KIF11: variants seen among roughly 807,000 people sequenced by gnomAD.
KIF11 encodes kinesin family member 11, also known as kinesin-like protein KIF11.
In KIF11, 9 loss-of-function variants were observed where a neutral mutation model predicts 121.0. The observed-to-expected ratio is 0.07, with a 90% CI of 0.04 to 0.13. The LOEUF (loss-of-function observed/expected upper bound fraction) is 0.13. Among genes scored for constraint, KIF11 ranks in the 10% least tolerant of loss-of-function variants. The pLI, the probability that KIF11 is intolerant of heterozygous loss-of-function variation, is 1.00. For missense variants in KIF11, 846 were observed against 1,217.5 expected, an observed-to-expected ratio of 0.69 and a Z score of 4.54; for synonymous variants, 408 against 421.0, an observed-to-expected ratio of 0.97 and a Z score of 0.38.
In KIF11 at chr10:92,621,618, T is replaced by G; in HGVS notation, c.1217+145T>G. The G allele has an allele frequency of 1.2e-5, 6 of 500,208 alleles. No homozygotes were observed. The Admixed American group carries it at 1.5e-4, about 12-fold the overall frequency. The allele number at this position is 500,208 out of a possible 1,614,324, so 31.0% of individuals were successfully genotyped here. ...ATTTTGTGTGTGTGTGTGTTTTCTT[T>G]TGAGACAAGGTCTCGCACTGTCACC... On this transcript the variant is annotated intron_variant, in intron 10 of 21. Transcript: ENST00000260731.
intron 21 of KIF11, among the ~76,000 whole-genome samples, chr10:92,652,928 G>T (rs938033559): frequency 2.6e-5 from 4 of 152,148 alleles, no homozygotes; most frequent in Non-Finnish European, 5.9e-5. Flanking sequence ...TTTACAATTT[G>T]TCTCAGCATT....
chr10:92,637,251 T>C lies in KIF11; in HGVS notation c.1943T>C (p.Leu648Pro), dbSNP rs780201167. ...MILSPTVVSI[L>P]KINSQLKHIF... ...TTATCCCCAACTGTGGTGTCTATACTGAAAATCAATAGTCAACTAAAGCAT... is the reference window on the plus strand; with the variant it reads ...TTATCCCCAACTGTGGTGTCTATACCGAAAATCAATAGTCAACTAAAGCAT... Residue 648 changes from leucine to proline, a missense_variant, in exon 15 of 22, where the codon CTG (leucine) becomes CCG (proline). By Grantham distance (98) the Leu-to-Pro change is moderately conservative. Around this residue, in one of 5 missense-constraint regions of KIF11, gnomAD observed 492 missense variants for 603.4 expected, o/e 0.82. Transcript: ENST00000260731. The C allele has an allele frequency of 3.0e-5, 47 of 1,589,826 alleles. No homozygotes were observed. The highest frequency in any genetic ancestry group is 4.0e-5 in the Non-Finnish European group (47 of 1,174,444).
rs558450310 is a variant in KIF11, at chr10:92,637,702, A to T, written c.2160+157A>T. ...TTGCTTATAACAGTAATTATTGTAG[A>T]ACAATTGAGAATACTTCTCTTAATA... On this transcript the variant is annotated intron_variant, in intron 16 of 21. Coordinates refer to ENST00000260731, the MANE Select transcript of KIF11 (RefSeq NM_004523.4). Among the ~76,000 whole-genome samples, 89 of 152,360 alleles carry T rather than the reference A, an allele frequency of 5.8e-4. No individual in the cohort carries two copies. In the South Asian group the frequency reaches 0.017, roughly 29 times the overall value.
At chr10:92,598,776 TTTTG>T (rs1237728314) in intron 1 of KIF11, among the ~76,000 whole-genome samples, 1 of 152,154 alleles carries the variant, frequency 6.6e-6, no homozygotes, top group Non-Finnish European at 1.5e-5. Flanking sequence ...AGCAGTTTTT[TTTTG>T]TTTGTTTTTG....
At chr10:92,609,629 T>C in intron 6 of KIF11, 120 bp downstream of exon 6, 1 of 832,456 alleles carries the variant, frequency 1.2e-6, no homozygotes, top group Non-Finnish European at 1.8e-6. Flanking sequence ...GTTTGTGTTA[T>C]AAGGAGGGGT....
In KIF11 at chr10:92,649,828, G is replaced by T; in HGVS notation, c.2771-7G>T. Reference sequence around the variant, plus strand: ...AATTTTTACCTCTTATCTAATGTCCGTTAAAGGTACGACACCACAGAGGAA... The same window carrying T: ...AATTTTTACCTCTTATCTAATGTCCTTTAAAGGTACGACACCACAGAGGAA... On this transcript the variant is annotated splice_region_variant and splice_polypyrimidine_tract_variant and intron_variant, in intron 19 of 21. Coordinates refer to ENST00000260731, the MANE Select transcript of KIF11 (RefSeq NM_004523.4). The T allele has an allele frequency of 6.3e-7, 1 of 1,583,636 alleles. No homozygotes were observed. The highest frequency in any genetic ancestry group is 8.6e-7 in the Non-Finnish European group (1 of 1,158,588).
intron 6 of KIF11, among the ~76,000 whole-genome samples, chr10:92,610,205 A>T (rs773385343): frequency 6.6e-6 from 1 of 152,102 alleles, no homozygotes; most frequent in Non-Finnish European, 1.5e-5. Flanking sequence ...CCCTACTGAT[A>T]TTAGAATATA....
rs1589610688 is a variant in KIF11, at chr10:92,654,012, C to T, written c.*216C>T. 5 of 346,770 alleles carry T rather than the reference C, an allele frequency of 1.4e-5. No homozygotes were observed. Among genetic ancestry groups the T allele is most frequent in the East Asian group, 5.5e-5 (1 of 18,204 alleles). 21.5% of individuals were successfully genotyped at this position (346,770 alleles called of 1,614,324 possible). ...CAGCCTGGCCAACGTGGCAAAACCT[C>T]GTCTCTGTTAAAAATTAGCCGGGCG... On this transcript the variant is annotated 3_prime_UTR_variant, in exon 22 of 22. Coordinates refer to ENST00000260731, the MANE Select transcript of KIF11 (RefSeq NM_004523.4).
chr10:92,639,258 C>T (rs988795306), intron 16 of KIF11, among the ~76,000 whole-genome samples: 7 of 152,124 alleles, frequency 4.6e-5, no homozygotes, highest in African/African-American at 1.7e-4. Context: ...TTGTTACTTA[C>T]AGCTAAAATA....
chr10:92,641,764 A>G (rs1272851178), intron 17 of KIF11, among the ~76,000 whole-genome samples: 1 of 152,066 alleles, frequency 6.6e-6, no homozygotes, highest in East Asian at 1.9e-4. Context: ...ATCTGCCCCT[A>G]TGACTTTGAT....
rs770120468 is a variant in KIF11 at position 92,626,196 on chromosome 10, ACAT to A, written c.1218-2608_1218-2606del. 3.9e-5 allele frequency among the ~76,000 whole-genome samples: 6 copies of A among 152,226 alleles called. 1 individual carries two copies. The highest frequency in any genetic ancestry group is 8.8e-5 in the Non-Finnish European group (6 of 68,044). On this transcript the variant is annotated intron_variant, in intron 10 of 21. Coordinates refer to ENST00000260731, the MANE Select transcript of KIF11 (RefSeq NM_004523.4). ...ATACTACAGGGCTACAGTAACCAAA[ACAT>A]CATGGTACTGGTACAAAAACAGACA...
At chr10:92,598,685 T>C (rs983988052) in intron 1 of KIF11, among the ~76,000 whole-genome samples, 1 of 152,232 alleles carries the variant, frequency 6.6e-6, no homozygotes, top group African/African-American at 2.4e-5. Context: ...TTGGGTAGTA[T>C]TGGCATCTTA....
Position 92,633,692 on chromosome 10 carries a change from C to G in KIF11, c.1772C>G (p.Ser591Cys), listed in dbSNP as rs756180389. 6 of 1,599,906 alleles carry G rather than the reference C, an allele frequency of 3.8e-6. No individual in the cohort carries two copies. The highest frequency in any genetic ancestry group is 3.4e-6 in the Non-Finnish European group (4 of 1,167,502). ...ITTVALGSLT[S>C]IPENVSTHVS... Reference sequence around the variant, plus strand: ...ACAGTAGCACTTGGATCTCTCACATCTATTCCAGAAAATGTGTCTACTCAT... The same window carrying G: ...ACAGTAGCACTTGGATCTCTCACATGTATTCCAGAAAATGTGTCTACTCAT... The change falls in exon 14 of 22, where the codon TCT (serine) becomes TGT (cysteine). Residue 591 changes from serine (S) to cysteine (C), a missense_variant. Physicochemically the swap from Ser to Cys is moderately radical, Grantham distance 112. Coordinates refer to ENST00000260731, the MANE Select transcript of KIF11 (RefSeq NM_004523.4).
intron 6 of KIF11, among the ~76,000 whole-genome samples, chr10:92,611,090 G>A (rs1463827286): frequency 1.3e-5 from 2 of 152,088 alleles, no homozygotes; most frequent in Admixed American, 6.6e-5. Context: ...ACAAAGAGGA[G>A]AAGCTAATTA....
intron 1 of KIF11, among the ~76,000 whole-genome samples, chr10:92,595,618 A>G (rs1387699713): frequency 1.3e-5 from 2 of 152,232 alleles, no homozygotes; most frequent in East Asian, 3.8e-4. Flanking sequence ...TTTTAAGTGT[A>G]CAGTTCAGTG....
intron 17 of KIF11, among the ~76,000 whole-genome samples, chr10:92,640,964 T>C (rs1391468967): frequency 1.3e-5 from 2 of 151,350 alleles, no homozygotes; most frequent in Non-Finnish European, 2.9e-5. Context: ...GCCAGGCTGA[T>C]CTTGAACTCC....
At chr10:92,642,683 T>TC (rs1404944253) in intron 17 of KIF11, among the ~76,000 whole-genome samples, 3 of 113,940 alleles carry the variant, frequency 2.6e-5, no homozygotes, top group African/African-American at 2.0e-4. Context: ...ATTGACCTCT[T>TC]TATCATTATG....
intron 12 of KIF11, among the ~76,000 whole-genome samples, chr10:92,632,210 G>A (rs546610805): frequency 6.6e-5 from 10 of 151,116 alleles, no homozygotes; most frequent in Admixed American, 4.0e-4. Context: ...CTGTCACCCC[G>A]GCTGGAGTGG....
chr10:92,608,229 A>G (rs1404366290), intron 4 of KIF11, among the ~76,000 whole-genome samples: 2 of 150,526 alleles, frequency 1.3e-5, no homozygotes, highest in Admixed American at 6.6e-5. Context: ...CTCCCACTTC[A>G]GCCTCCTGAG....
Sources: gnomAD v4.1 joint callset for allele counts (sites outside exome capture counted in the v4.1 genomes callset) on GRCh38, gnomAD v4.1.1 for gene constraint, gnomAD v4.1.1 regional missense constraint, MANE v1.5 for transcripts, NCBI Gene and HGNC (gene_info 2026-07-23, HGNC 2026-07-21) for gene names.